Variants in GPC6 observed in about 807,000 individuals in gnomAD.
GPC6 encodes the protein glypican 6, also known as glypican-6.
Under a neutral mutation model 55.2 loss-of-function variants are expected in GPC6, and 14 were observed. The observed-to-expected ratio is 0.25, with a 90% CI of 0.17 to 0.40. The LOEUF (loss-of-function observed/expected upper bound fraction) is 0.40. Ranked by LOEUF, GPC6 falls within the 10% of genes least tolerant of loss-of-function variation. The pLI is 1.00. For missense variants in GPC6, 641 were observed against 708.5 expected (o/e 0.90, Z 1.08); for synonymous variants, 278 against 259.6 (o/e 1.07, Z -0.68).
chr13:93,466,963 T>A (rs1321128036), intron 1 of GPC6, among the ~76,000 whole-genome samples: 1 of 152,168 alleles, frequency 6.6e-6, no homozygotes, highest in Non-Finnish European at 1.5e-5. Context: ...TATCCTAAAT[T>A]TACTGACAAA....
At chr13:93,688,509 G>A (rs576816031) in intron 2 of GPC6, among the ~76,000 whole-genome samples, 107 of 152,162 alleles carry the variant, frequency 7.0e-4, no homozygotes, top group African/African-American at 2.5e-3. Context: ...ACAGAAGGTC[G>A]AAACAACCCA....
intron 1 of GPC6, among the ~76,000 whole-genome samples, chr13:93,479,610 C>CCA (rs1555303829): frequency 1.3e-5 from 1 of 77,030 alleles, no homozygotes; most frequent in African/African-American, 4.0e-5. Context: ...GTGGTGAGAC[C>CCA]CCCCCCCATC....
chr13:93,990,938 G>A (rs1010343163), intron 3 of GPC6, among the ~76,000 whole-genome samples: 25 of 146,364 alleles, frequency 1.7e-4, no homozygotes, highest in African/African-American at 6.2e-4. Flanking sequence ...CGGGAGGGAG[G>A]AGGAAGGAAG....
At chr13:93,269,912 AAG>A (rs1877458738) in intron 1 of GPC6, among the ~76,000 whole-genome samples, 1 of 150,000 alleles carries the variant, frequency 6.7e-6, no homozygotes, top group Admixed American at 6.7e-5. Flanking sequence ...AAAAAAAAAA[AAG>A]GAAATATGTG....
At chr13:93,336,427 A>G (rs1416688044) in intron 1 of GPC6, among the ~76,000 whole-genome samples, 1 of 152,208 alleles carries the variant, frequency 6.6e-6, no homozygotes, top group Non-Finnish European at 1.5e-5. Context: ...AGTTTCACTT[A>G]GCACCAAAAA....
Position 93,227,675 on chromosome 13 carries a change from G to A in GPC6, c.160+59G>A. 1 of 1,380,858 alleles carries A rather than the reference G, an allele frequency of 7.2e-7. No homozygotes were observed. The highest frequency in any genetic ancestry group is 9.9e-7 in the Non-Finnish European group (1 of 1,007,718). 85.5% of individuals were successfully genotyped at this position (1,380,858 alleles called of 1,614,324 possible). A position where few individuals can be genotyped will look rare whatever the true frequency, so the allele number is the denominator to read the frequency against. On this transcript the variant is annotated intron_variant, in intron 1 of 8. Coordinates refer to ENST00000377047, the MANE Select transcript of GPC6 (RefSeq NM_005708.5). This position sits in a 1 kb window ranked among gnomAD's most constrained non-coding sequence, Gnocchi z 4.3. ...GCCCTCGGCTGCCGCACGTCCCACT[G>A]GCCGCCCGGCGTCCCCTTCCTTCCC...
At chr13:93,676,118 AAAAAAAAAATATATATATAT>A (rs1349966784) in intron 2 of GPC6, among the ~76,000 whole-genome samples, 1 of 16,118 alleles carries the variant, frequency 6.2e-5, no homozygotes, top group African/African-American at 1.4e-4. Flanking sequence ...AAAAAAAAAA[AAAAAAAAAATATATATATAT>A]ATATATATAT....
At chr13:93,522,731 T>A (rs899262966) in intron 1 of GPC6, among the ~76,000 whole-genome samples, 1 of 151,930 alleles carries the variant, frequency 6.6e-6, no homozygotes, top group Non-Finnish European at 1.5e-5. Flanking sequence ...TCCTTCCCGC[T>A]GCTCTGCAGA....
chr13:93,853,267 T>C (rs1888473878), intron 3 of GPC6, among the ~76,000 whole-genome samples: 2 of 151,722 alleles, frequency 1.3e-5, no homozygotes, highest in African/African-American at 2.4e-5. Flanking sequence ...TAATCTTTTC[T>C]TCTTGGTACA....
intron 2 of GPC6, among the ~76,000 whole-genome samples, chr13:93,640,033 C>T (rs905509425): frequency 5.3e-5 from 8 of 152,094 alleles, no homozygotes; most frequent in Non-Finnish European, 1.2e-4. Context: ...CCAATTATAT[C>T]TGCTGCCAGA....
intron 3 of GPC6, among the ~76,000 whole-genome samples, chr13:93,994,463 A>G (rs773966665): frequency 2.2e-4 from 33 of 152,182 alleles, no homozygotes; most frequent in Non-Finnish European, 4.1e-4. Flanking sequence ...GTTTTGCCCT[A>G]ATAGTTCAAT....
chr13:94,333,244 C>T (rs1308796573), intron 6 of GPC6, among the ~76,000 whole-genome samples: 2 of 152,170 alleles, frequency 1.3e-5, no homozygotes, highest in South Asian at 2.1e-4. Context: ...GATAGTTTCT[C>T]AACTCATATT....
At chr13:93,603,014 C>CT (rs142782481) in intron 2 of GPC6, among the ~76,000 whole-genome samples, 1 of 150,948 alleles carries the variant, frequency 6.6e-6, no homozygotes, top group Admixed American at 6.6e-5. Context: ...TTCTTTCTTT[C>CT]TTTTTTTGTT....
intron 6 of GPC6, among the ~76,000 whole-genome samples, chr13:94,321,367 C>T (rs913649176): frequency 1.4e-4 from 22 of 152,110 alleles, no homozygotes; most frequent in South Asian, 4.1e-4. Context: ...AATTTTGCTG[C>T]GATGAACATA....
At chr13:93,838,987 G>A (rs1212013949) in intron 3 of GPC6, among the ~76,000 whole-genome samples, 1 of 152,152 alleles carries the variant, frequency 6.6e-6, no homozygotes, top group Non-Finnish European at 1.5e-5. Context: ...TTTAAAGAGA[G>A]TTCTGAAAAC....
intron 1 of GPC6, among the ~76,000 whole-genome samples, chr13:93,484,562 A>T (rs1452744130): frequency 2.0e-5 from 3 of 151,950 alleles, no homozygotes; most frequent in Non-Finnish European, 2.9e-5. Context: ...TATTATCATA[A>T]CCATTTTCTC....
At chr13:93,632,316 T>C (rs971676343) in intron 2 of GPC6, among the ~76,000 whole-genome samples, 46 of 151,806 alleles carry the variant, frequency 3.0e-4, no homozygotes, top group African/African-American at 1.1e-3. Flanking sequence ...AAATAAGAGG[T>C]AAAGAAGTAG....
chr13:93,459,618 G>C (rs1264125456), intron 1 of GPC6, among the ~76,000 whole-genome samples: 2 of 151,830 alleles, frequency 1.3e-5, no homozygotes, highest in African/African-American at 4.8e-5. Context: ...TGGGTCCCCG[G>C]GTATTCTAAT....
chr13:93,320,226 A>G (rs1391396831), intron 1 of GPC6, among the ~76,000 whole-genome samples: 1 of 152,158 alleles, frequency 6.6e-6, no homozygotes, highest in Non-Finnish European at 1.5e-5. Context: ...AATACCTTTA[A>G]AAAGTGAAAT....
Sources: gnomAD v4.1 joint callset for allele counts (sites outside exome capture counted in the v4.1 genomes callset) on GRCh38, gnomAD v4.1.1 for gene constraint, Gnocchi (gnomAD v3.1) non-coding constraint, MANE v1.5 for transcripts, NCBI Gene and HGNC (gene_info 2026-07-23, HGNC 2026-07-21) for gene names.